Variants in TNXB observed in about 807,000 individuals in gnomAD.
TNXB encodes the protein tenascin XB.
TNXB carries 183 observed loss-of-function variants against 340.5 expected under a neutral mutation model. The observed-to-expected ratio is 0.54, with a 90% CI of 0.48 to 0.61. The LOEUF (loss-of-function observed/expected upper bound fraction) is 0.61, where lower values mean the gene tolerates loss of function less well. TNXB is among the 20% of genes least tolerant of loss of function. The probability of loss-of-function intolerance (pLI) is 0.00; values close to 1 mark genes in which losing one functional copy is unlikely to be tolerated. For synonymous variants in TNXB, 2,121 were observed against 2,314.5 expected (o/e 0.92, Z 2.40); for missense variants, 4,613 against 5,446.4 (o/e 0.85, Z 4.82).
chr6:32,058,260 G>C lies in TNXB; in HGVS notation c.7623C>G (p.Ser2541=). The C allele has an allele frequency of 1.2e-6, 2 of 1,612,546 alleles. No individual in the cohort carries two copies. Among genetic ancestry groups the C allele is most frequent in the Non-Finnish European group, 1.7e-6 (2 of 1,179,868 alleles). ...TGSSPDSLSL[S]WTVPQGRFDS... is the part of the protein sequence containing the mutation. Reference sequence around the variant, plus strand: ...CAAAGCGGCCCTGGGGGACGGTCCAGGAAAGGCTCAGCGAGTCAGGGGAGG... The same window carrying C: ...CAAAGCGGCCCTGGGGGACGGTCCACGAAAGGCTCAGCGAGTCAGGGGAGG... The change falls in exon 22 of 44, where the codon TCC becomes TCG. Residue 2541 remains serine (S), a synonymous_variant. Coordinates refer to ENST00000644971, the MANE Select transcript of TNXB (RefSeq NM_001365276.2). This position sits in a 1 kb window ranked among gnomAD's most constrained non-coding sequence, Gnocchi z 5.1.
chr6:32,064,898 T>C lies in TNXB; in HGVS notation c.6764A>G (p.Asp2255Gly). 1 of 1,612,742 alleles carries C rather than the reference T, an allele frequency of 6.2e-7. No individual in the cohort carries two copies. The change falls in exon 19 of 44, where the codon GAC becomes GGC. Residue 2255 changes from aspartate (D) to glycine (G), a missense_variant. Around this residue, in one of 7 missense-constraint regions of TNXB, gnomAD observed 4,327 missense variants for 4,859.4 expected, o/e 0.89. Coordinates refer to ENST00000644971, the MANE Select transcript of TNXB (RefSeq NM_001365276.2). This position sits in a 1 kb window ranked among gnomAD's most constrained non-coding sequence, Gnocchi z 5.3. ...DGVTISGLEP[D>G]HKYKMNLYGF... is the part of the protein sequence containing the mutation. ...GTACAGGTTCATCTTGTACTTGTGG[T>C]CTGGCTCCAGGCCCGAGATGGTGAC...
In TNXB at chr6:32,047,910, T is replaced by G. The variant is rs749884003; in HGVS notation, c.10148A>C (p.Asp3383Ala). 6.2e-7 allele frequency: 1 copy of G among 1,611,716 alleles called. No individual in the cohort carries two copies. The highest frequency in any genetic ancestry group is 8.5e-7 in the Non-Finnish European group (1 of 1,179,502). The part of the protein sequence containing the change: ...LSWTVPEGEF[D>A]SFVVQYKDKD... The stretch of plus-strand genomic sequence containing the variant: ...ATCCTTGTACTGGACCACGAAGGAG[T>G]CGAATTCGCCCTCAGGGACCGTCCA... Residue 3383 changes from aspartate (D) to alanine (A), a missense_variant, in exon 30 of 44, where the codon GAC becomes GCC. Around this residue, in one of 7 missense-constraint regions of TNXB, gnomAD observed 4,327 missense variants for 4,859.4 expected, o/e 0.89. Transcript: ENST00000644971. The surrounding 1 kb of genome is among the most constrained non-coding windows in gnomAD (Gnocchi z 6.2).
Position 32,046,133 on chromosome 6 carries a change from C to A in TNXB, c.10606+42G>T. On this transcript the variant is annotated intron_variant, in intron 31 of 43. Transcript: ENST00000644971. This position sits in a 1 kb window ranked among gnomAD's most constrained non-coding sequence, Gnocchi z 6.9. Reference sequence around the variant, plus strand: ...CTTCAGCCCAAATGCACAAGGAAACCCACACAAGCTGGCTTGCTATAGCCA... The same window carrying A: ...CTTCAGCCCAAATGCACAAGGAAACACACACAAGCTGGCTTGCTATAGCCA... 6.4e-7 allele frequency: 1 copy of A among 1,557,106 alleles called. No homozygotes were observed. Among genetic ancestry groups the A allele is most frequent in the South Asian group, 1.2e-5 (1 of 83,958 alleles).
Position 32,069,762 on chromosome 6 carries a change from C to A in TNXB, c.5378G>T (p.Gly1793Val). 6.2e-7 allele frequency: 1 copy of A among 1,612,076 alleles called. No individual in the cohort carries two copies. Among genetic ancestry groups the A allele is most frequent in the Non-Finnish European group, 8.5e-7 (1 of 1,179,170 alleles). The change falls in exon 15 of 44, where the codon GGC becomes GTC. Residue 1793 changes from glycine (G) to valine (V), a missense_variant. Transcript: ENST00000644971. This position sits in a 1 kb window ranked among gnomAD's most constrained non-coding sequence, Gnocchi z 6.2. ...GCCCTCAGGGACTGTCCAGGAGAGG[C>A]CCACGGAGTTCTGGGTCACGGTGGT... ...QVTTVTQNSV[G>V]LSWTVPEGQF...
At position 32,050,006 on chromosome 6, in the gene TNXB, C is replaced by G; in HGVS notation, c.9431G>C (p.Gly3144Ala). 1 of 1,613,812 alleles carries G rather than the reference C, an allele frequency of 6.2e-7. No individual in the cohort carries two copies. The stretch of plus-strand genomic sequence containing the variant: ...TCCCATCATTCACTCACCCGTCACC[C>G]CAATGGCAGACACAGGGCCTACGCG... Reference protein sequence around the residue: ...GQRVGPVSAIGVTEEETPSPT... With the variant: ...GQRVGPVSAIAVTEEETPSPT... The change falls in exon 27 of 44, where the codon GGG (glycine) becomes GCG (alanine). Residue 3144 changes from glycine to alanine, a missense_variant. Gly to Ala is a moderately conservative substitution (Grantham distance 60). This residue lies in a region of TNXB where 4,327 missense variants were observed against 4,859.4 expected (regional missense o/e 0.89). Coordinates refer to ENST00000644971, the MANE Select transcript of TNXB (RefSeq NM_001365276.2).
rs1777622351 is a variant in TNXB, at chr6:32,056,113, C to T, written c.8205G>A (p.Glu2735=). Residue 2735 remains glutamate (E), a synonymous_variant, in exon 24 of 44, where the codon GAG becomes GAA. Transcript: ENST00000644971. The stretch of plus-strand genomic sequence containing the variant: ...CTGTCAGCTCCCCCAGGAGCGGCTC[C>T]TCAGGGGGCTCCGGGGCCTCAGTGC... The part of the protein sequence containing the change: ...ELSTEAPEPP[E]EPLLGELTVT... 6.2e-7 allele frequency: 1 copy of T among 1,612,010 alleles called. No individual in the cohort carries two copies. The highest frequency in any genetic ancestry group is 1.3e-5 in the African/African-American group (1 of 74,878).
chr6:32,100,528 G>C (rs1780662816), intron 1 of TNXB, among the ~76,000 whole-genome samples: 1 of 152,120 alleles, frequency 6.6e-6, no homozygotes. Flanking sequence ...AGGAGTTGGA[G>C]ACCAGCCTGG....
rs2151907845 is a variant in TNXB, at chr6:32,062,077, A to AT, written c.7168+79dup. The AT allele has an allele frequency of 6.7e-7, 1 of 1,503,116 alleles. No individual in the cohort carries two copies. The highest frequency in any genetic ancestry group is 2.4e-5 in the East Asian group (1 of 41,398). 93.1% of individuals were successfully genotyped at this position (1,503,116 alleles called of 1,614,324 possible). The stretch of plus-strand genomic sequence containing the variant: ...CTGTGGTGCTGACCAGACCCGTCCC[A>AT]TTCCCCACCAGTCATCACCAAAGAG... On this transcript the variant is annotated intron_variant, in intron 20 of 43. Coordinates refer to ENST00000644971, the MANE Select transcript of TNXB (RefSeq NM_001365276.2). This position sits in a 1 kb window ranked among gnomAD's most constrained non-coding sequence, Gnocchi z 4.3.
chr6:32,089,347 C>A lies in TNXB; in HGVS notation c.2391G>T (p.Arg797=). The change falls in exon 5 of 44, where the codon CGG becomes CGT. Residue 797 remains arginine (R), a synonymous_variant. Coordinates refer to ENST00000644971, the MANE Select transcript of TNXB (RefSeq NM_001365276.2). The surrounding 1 kb of genome is among the most constrained non-coding windows in gnomAD (Gnocchi z 6.2). The part of the protein sequence containing the change: ...TEGASPPFTA[R]VPSSASAYDQ... ...CATAGGCTGAGGCAGAGCTTGGAACCCGTGCTGTGAATGGGGGGCTCGCCC... is the reference window on the plus strand; with the variant it reads ...CATAGGCTGAGGCAGAGCTTGGAACACGTGCTGTGAATGGGGGGCTCGCCC... 1 of 1,608,352 alleles carries A rather than the reference C, an allele frequency of 6.2e-7. No individual in the cohort carries two copies.
rs1295996189 is a variant in TNXB at position 32,068,728 on chromosome 6, A to G, written c.5903-21T>C. On this transcript the variant is annotated intron_variant, in intron 16 of 43. Coordinates refer to ENST00000644971, the MANE Select transcript of TNXB (RefSeq NM_001365276.2). This position sits in a 1 kb window ranked among gnomAD's most constrained non-coding sequence, Gnocchi z 5.3. Reference sequence around the variant, plus strand: ...CGGGACTGGACAGAGACATGGAAAGAGAGGACTGAGGTGGGCAGGGTATCC... The same window carrying G: ...CGGGACTGGACAGAGACATGGAAAGGGAGGACTGAGGTGGGCAGGGTATCC... 6.2e-7 allele frequency: 1 copy of G among 1,608,432 alleles called. No individual in the cohort carries two copies. The highest frequency in any genetic ancestry group is 1.7e-5 in the Admixed American group (1 of 59,890).
chr6:32,053,533 A>G lies in TNXB; in HGVS notation c.8646T>C (p.Asp2882=). 6.2e-7 allele frequency: 1 copy of G among 1,613,634 alleles called. No homozygotes were observed. The highest frequency in any genetic ancestry group is 1.1e-5 in the South Asian group (1 of 91,072). Residue 2882 remains aspartate, a synonymous_variant, in exon 25 of 44, where the codon GAT becomes GAC. Transcript: ENST00000644971. The stretch of plus-strand genomic sequence containing the variant: ...GCACCCGCACCACCTTGGGCTGCCC[A>G]TCCCCATTCCTGTACTGGACCAGGA... ...DHFLVQYRNG[D]GQPKVVRVPG... is the part of the protein sequence containing the mutation.
At chr6:32,095,415 C>CCCTGTGGTTCTG (rs1780275089) in intron 3 of TNXB, among the ~76,000 whole-genome samples, 196 bp downstream of exon 3, 1 of 152,180 alleles carries the variant, frequency 6.6e-6, no homozygotes, top group African/African-American at 2.4e-5. Context: ...TGGGCCCCAA[C>CCCTGTGGTTCTG]CTGCTCCTCA....
At position 32,072,210 on chromosome 6, in the gene TNXB, A is replaced by C; in HGVS notation, c.4770T>G (p.Pro1590=). The change falls in exon 13 of 44, where the codon CCT becomes CCG. Residue 1590 remains proline (P), a synonymous_variant. Coordinates refer to ENST00000644971, the MANE Select transcript of TNXB (RefSeq NM_001365276.2). This position sits in a 1 kb window ranked among gnomAD's most constrained non-coding sequence, Gnocchi z 4.4. ...LGELTVTDIT[P]DSVGLSWTVP... ...CTGTCCATGAGAGGCCCACAGAGTC[A>C]GGGGTTATATCCGTCACTGTCAGCT... The C allele has an allele frequency of 6.2e-7, 1 of 1,612,132 alleles. No individual in the cohort carries two copies. The highest frequency in any genetic ancestry group is 1.3e-5 in the African/African-American group (1 of 75,030).
intron 1 of TNXB, among the ~76,000 whole-genome samples, chr6:32,106,647 T>A (rs1780995044): frequency 6.6e-6 from 1 of 151,776 alleles, no homozygotes; most frequent in African/African-American, 2.4e-5. Flanking sequence ...AGGGACAGAG[T>A]GTTTCCACAC....
At chr6:32,042,397 C>T in intron 40 of TNXB, 35 bp from the exon 41 acceptor site, 1 of 1,596,352 alleles carries the variant, frequency 6.3e-7, no homozygotes, top group Non-Finnish European at 8.5e-7. Flanking sequence ...CAGCCTCTGG[C>T]TCCCGGGGCA....
Position 32,058,627 on chromosome 6 carries a change from G to A in TNXB, c.7493-237C>T, listed in dbSNP as rs2151904384. ...TTAGAAACCTCCAGAAGGCAACTGA[G>A]ACATAGTGTCAGGAGCCAAAGTAAT... On this transcript the variant is annotated intron_variant, in intron 21 of 43. Transcript: ENST00000644971. This position sits in a 1 kb window ranked among gnomAD's most constrained non-coding sequence, Gnocchi z 5.1. Among the ~76,000 whole-genome samples the A allele has an allele frequency of 6.6e-6, 1 of 151,928 alleles. No homozygotes were observed. Among genetic ancestry groups the A allele is most frequent in the African/African-American group, 2.4e-5 (1 of 41,240 alleles).
rs768976514 is a variant in TNXB, at chr6:32,068,442, G to T, written c.6168C>A (p.Tyr2056Ter). 6.2e-7 allele frequency: 1 copy of T among 1,613,772 alleles called. No individual in the cohort carries two copies. Among genetic ancestry groups the T allele is most frequent in the Non-Finnish European group, 8.5e-7 (1 of 1,179,888 alleles). Residue 2056 changes from tyrosine to a stop codon, truncating the protein, a stop_gained, in exon 17 of 44, where the codon TAC (tyrosine) becomes TAA (stop). Coordinates refer to ENST00000644971, the MANE Select transcript of TNXB (RefSeq NM_001365276.2). LOFTEE classifies it high-confidence loss of function. This position sits in a 1 kb window ranked among gnomAD's most constrained non-coding sequence, Gnocchi z 5.3. Reference protein sequence around the residue: ...EPDHKYKMNLYGFHGGQRMGP... With the variant: ...EPDHKYKMNL ...CCATGCGCTGGCCACCGTGGAAGCC[G>T]TACAGGTTCATCTTGTATTTATGGT...
Position 32,073,863 on chromosome 6 carries a change from A to G in TNXB, c.4465T>C (p.Ser1489Pro). 1 of 1,610,896 alleles carries G rather than the reference A, an allele frequency of 6.2e-7. No individual in the cohort carries two copies. The highest frequency in any genetic ancestry group is 1.1e-5 in the South Asian group (1 of 90,526). The change falls in exon 12 of 44, where the codon TCT becomes CCT. Residue 1489 changes from serine (S) to proline (P), a missense_variant. Around this residue, in one of 7 missense-constraint regions of TNXB, gnomAD observed 4,327 missense variants for 4,859.4 expected, o/e 0.89. Transcript: ENST00000644971. This position sits in a 1 kb window ranked among gnomAD's most constrained non-coding sequence, Gnocchi z 4.6. ...ELTVTDVTPN[S>P]VGLSWTVPEG... ...GGGACTGTCCAGGAGAGGCCCACAG[A>G]GTTGGGGGTCACATCTGTCACTGTC...
rs990694372 is a variant in TNXB at position 32,084,070 on chromosome 6, T to C, written c.3445+343A>G. 2.0e-5 allele frequency among the ~76,000 whole-genome samples: 3 copies of C among 152,124 alleles called. No homozygotes were observed. The highest frequency in any genetic ancestry group is 6.5e-5 in the Admixed American group (1 of 15,280). Reference sequence around the variant, plus strand: ...CCCACTTTACCCTTCAGAGGCCCTCTAGGGGCCTTCGAATGAGGCCCAAGC... The same window carrying C: ...CCCACTTTACCCTTCAGAGGCCCTCCAGGGGCCTTCGAATGAGGCCCAAGC... On this transcript the variant is annotated intron_variant, in intron 8 of 43. Coordinates refer to ENST00000644971, the MANE Select transcript of TNXB (RefSeq NM_001365276.2). The surrounding 1 kb of genome is among the most constrained non-coding windows in gnomAD (Gnocchi z 5.5).
Sources: allele counts gnomAD v4.1 joint callset (sites outside exome capture counted in the v4.1 genomes callset), GRCh38; gene constraint gnomAD v4.1.1; regional missense constraint gnomAD v4.1.1; non-coding constraint Gnocchi (gnomAD v3.1); transcripts MANE v1.5; gene names NCBI Gene and HGNC (gene_info 2026-07-23, HGNC 2026-07-21).